The following ANK2 variants were observed in gnomAD, a reference collection of about 807,000 sequenced individuals.
The protein encoded by ANK2 is ankyrin 2.
In ANK2, 83 loss-of-function variants were observed where a neutral mutation model predicts 360.5. The observed-to-expected ratio is 0.23, with a 90% CI of 0.19 to 0.28. ANK2 has a LOEUF of 0.28. Among genes scored for constraint, ANK2 ranks in the 10% least tolerant of loss-of-function variants. ANK2 has a pLI of 1.00. For synonymous variants in ANK2, 1,740 were observed against 1,759.5 expected (o/e 0.99, Z 0.28); for missense variants, 4,201 against 4,795.7 (o/e 0.88, Z 3.66).
chr4:113,077,058 A>C (rs2080341600), intron 1 of ANK2, among the ~76,000 whole-genome samples: 1 of 152,126 alleles, frequency 6.6e-6, no homozygotes, highest in Non-Finnish European at 1.5e-5. Flanking sequence ...CATGAATAAC[A>C]ACTTATGTAA....
intron 28 of ANK2, chr4:113,332,838 G>C: frequency 1.7e-6 from 1 of 605,202 alleles, no homozygotes; most frequent in South Asian, 1.9e-5. Context: ...AACATTATTT[G>C]GCTTAAGGTA....
At chr4:112,818,998 T>C (rs557981400) in intron 1 of ANK2, among the ~76,000 whole-genome samples, 15 of 152,268 alleles carry the variant, frequency 9.9e-5, no homozygotes, top group African/African-American at 3.6e-4. Context: ...TGTTTGTTTG[T>C]TCTTTGGCTT....
intron 1 of ANK2, among the ~76,000 whole-genome samples, chr4:113,169,792 A>G (rs1300516466): frequency 6.6e-6 from 1 of 152,162 alleles, no homozygotes; most frequent in Non-Finnish European, 1.5e-5. Context: ...AACTTCTTAA[A>G]TTCTTGTGCC....
At chr4:113,366,391 C>CTTTTTTT (rs58588518) in intron 41 of ANK2, among the ~76,000 whole-genome samples, 7 of 108,340 alleles carry the variant, frequency 6.5e-5, no homozygotes, top group African/African-American at 2.2e-4. Context: ...TTCTTGCTTC[C>CTTTTTTT]TTTTTTTTTT....
exon 2 of ANK2, chr4:112,904,485 G>A (rs2150920860): frequency 1.3e-6 from 2 of 1,501,398 alleles, no homozygotes; most frequent in Middle Eastern, 1.7e-4. Context: ...TGAAGAATTG[G>A]TATTTCAAAT....
chr4:112,707,569 A>T, the ANK2 span, among the ~76,000 whole-genome samples: 1 of 152,214 alleles, frequency 6.6e-6, no homozygotes, highest in Non-Finnish European at 1.5e-5. Context: ...TGTGATAGTT[A>T]TGCATTCAAG....
the ANK2 span, among the ~76,000 whole-genome samples, chr4:112,807,642 A>G: frequency 6.6e-6 from 1 of 152,234 alleles, no homozygotes; most frequent in African/African-American, 2.4e-5. Context: ...GGGAGAAATA[A>G]TCAGTAGGAA....
chr4:113,256,519 G>A (rs775993227), intron 11 of ANK2, among the ~76,000 whole-genome samples: 34 of 152,172 alleles, frequency 2.2e-4, no homozygotes, highest in Non-Finnish European at 4.6e-4. Flanking sequence ...AGAGAAAACT[G>A]CAAGAGGCTG....
chr4:112,812,611 A>T, the ANK2 span, among the ~76,000 whole-genome samples: 1 of 152,224 alleles, frequency 6.6e-6, no homozygotes, highest in Non-Finnish European at 1.5e-5. Context: ...TGCTCAAATG[A>T]TGCTAAGTGG....
intron 10 of ANK2, among the ~76,000 whole-genome samples, chr4:113,252,081 C>T (rs1379714058): frequency 6.6e-6 from 1 of 152,096 alleles, no homozygotes; most frequent in African/African-American, 2.4e-5. Context: ...AGGAGGAACT[C>T]ACAGTCACGA....
At chr4:113,377,503 G>T (rs552549341) in intron 45 of ANK2, among the ~76,000 whole-genome samples, 1 of 152,216 alleles carries the variant, frequency 6.6e-6, no homozygotes, top group East Asian at 1.9e-4. Context: ...AACACATCTG[G>T]TCCCAAAGTT....
chr4:113,370,242 G>A (rs2096680989), intron 43 of ANK2, among the ~76,000 whole-genome samples: 1 of 152,154 alleles, frequency 6.6e-6, no homozygotes, highest in African/African-American at 2.4e-5. Flanking sequence ...TGTGGATATT[G>A]GGTGGGGTTT....
chr4:112,988,739 G>C (rs1235586544), intron 2 of ANK2, among the ~76,000 whole-genome samples: 1 of 152,190 alleles, frequency 6.6e-6, no homozygotes, highest in Non-Finnish European at 1.5e-5. Flanking sequence ...TTGGAACCTA[G>C]TAGTAATCCT....
chr4:112,818,317 G>A (rs17044999), intron 1 of ANK2: 13,905 of 152,324 alleles, frequency 0.091, 871 homozygotes, highest in African/African-American at 0.18. Flanking sequence ...CGGGGAGGAA[G>A]TGTTTGTGTT....
chr4:113,014,442 G>A (rs1400895482), intron 2 of ANK2, among the ~76,000 whole-genome samples: 2 of 152,154 alleles, frequency 1.3e-5, no homozygotes, highest in Admixed American at 1.3e-4. Context: ...GCAGAGTGAG[G>A]TTGAAAAACT....
rs371568026 is a variant in ANK2 at position 113,139,268 on chromosome 4, C to A, written c.85-35148C>A. Among the ~76,000 whole-genome samples, 18 of 152,326 alleles carry A rather than the reference C, an allele frequency of 1.2e-4. 1 individual carries two copies. The East Asian group carries it at 2.5e-3, about 21-fold the overall frequency. On this transcript the variant is annotated intron_variant, in intron 1 of 45. Transcript: ENST00000357077. The stretch of plus-strand genomic sequence containing the variant: ...CTTTGCCCATTAACTGATCTATTCT[C>A]ATGCTATGCATCATTTATTTTAAAA...
rs1224768492 is a variant in ANK2 at position 113,360,884 on chromosome 4, C to T, written c.10743C>T (p.Gly3581=). Residue 3581 remains glycine, a synonymous_variant, in exon 39 of 46, where the codon GGC becomes GGT. Coordinates refer to ENST00000357077, the MANE Select transcript of ANK2 (RefSeq NM_001148.6). ...ERLAYIADHL[G]FSWTELAREL... ...TGGCTTATATTGCTGATCACCTTGG[C>T]TTCAGCTGGACAGGTAAAAAGAATG... 6.8e-6 allele frequency: 11 copies of T among 1,612,344 alleles called. No homozygotes were observed. The highest frequency in any genetic ancestry group is 5.0e-5 in the Admixed American group (3 of 59,834).
intron 2 of ANK2, among the ~76,000 whole-genome samples, chr4:112,983,191 A>T (rs886351521): frequency 5.5e-4 from 84 of 152,216 alleles, no homozygotes; most frequent in African/African-American, 2.0e-3. Context: ...TATAATGGGT[A>T]AATTTCTTCA....
intron 1 of ANK2, among the ~76,000 whole-genome samples, chr4:112,893,075 C>CTTATAGA (rs2080588331): frequency 6.6e-6 from 1 of 152,108 alleles, no homozygotes; most frequent in Admixed American, 6.6e-5. Context: ...TATTCTAGCT[C>CTTATAGA]CAATCTTATA....
Sources: allele counts gnomAD v4.1 joint callset (sites outside exome capture counted in the v4.1 genomes callset), GRCh38; gene constraint gnomAD v4.1.1; transcripts MANE v1.5; gene names NCBI Gene and HGNC (gene_info 2026-07-23, HGNC 2026-07-21).